Variants in ITGBL1 observed in about 807,000 individuals in gnomAD.
ITGBL1 encodes the protein integrin subunit beta like 1.
ITGBL1 carries 51 observed loss-of-function variants against 68.5 expected under a neutral mutation model. That is an observed-to-expected ratio of 0.74 (90% CI 0.59 to 0.94). The LOEUF is 0.94. ITGBL1 is among the 40% of genes least tolerant of loss of function. The probability of loss-of-function intolerance (pLI) is 0.00; values close to 1 mark genes in which losing one functional copy is unlikely to be tolerated. For missense variants in ITGBL1, 649 were observed against 647.4 expected, an observed-to-expected ratio of 1.00 and a Z score of -0.03; for synonymous variants, 209 against 227.3, an observed-to-expected ratio of 0.92 and a Z score of 0.72.
intron 7 of ITGBL1, among the ~76,000 whole-genome samples, chr13:101,685,862 A>G (rs2033742683): frequency 6.6e-6 from 1 of 151,906 alleles, no homozygotes; most frequent in Non-Finnish European, 1.5e-5. Context: ...GCCTAAGAAG[A>G]ATTCGTAATC....
intron 8 of ITGBL1, among the ~76,000 whole-genome samples, chr13:101,699,820 G>C (rs771878813): frequency 6.6e-6 from 1 of 152,220 alleles, no homozygotes; most frequent in Non-Finnish European, 1.5e-5. Context: ...AGTCGTGTTG[G>C]TGAGACAAAA....
At chr13:101,573,797 A>G (rs1572325) in intron 3 of ITGBL1, among the ~76,000 whole-genome samples, 32,458 of 152,094 alleles carry the variant, frequency 0.21, 3,450 homozygotes, top group East Asian at 0.23. Context: ...TAGATCACAT[A>G]TAGATTTGCT....
chr13:101,553,067 GA>G (rs1330163615), intron 2 of ITGBL1, among the ~76,000 whole-genome samples: 1 of 152,114 alleles, frequency 6.6e-6, no homozygotes, highest in East Asian at 1.9e-4. Context: ...TTGTTTTTTA[GA>G]CAACAAACTT....
chr13:101,504,418 T>C (rs2048994636), intron 2 of ITGBL1, among the ~76,000 whole-genome samples: 1 of 152,162 alleles, frequency 6.6e-6, no homozygotes, highest in Non-Finnish European at 1.5e-5. Context: ...GAAGATTAAA[T>C]AAGATGATAA....
intron 2 of ITGBL1, among the ~76,000 whole-genome samples, chr13:101,530,268 G>A (rs920848592): frequency 7.0e-4 from 106 of 151,738 alleles, no homozygotes; most frequent in Non-Finnish European, 2.2e-4. Context: ...GAGAGAGAGC[G>A]CGAGGGGAGA....
rs1355996625 is a variant in ITGBL1 at position 101,640,625 on chromosome 13, C to A, written c.1015+42326C>A. On this transcript the variant is annotated intron_variant, in intron 7 of 10. Transcript: ENST00000376180. ...AATTTGCATTTATTTTATTTTAAAA[C>A]CTTCAACTTCCATTTTGGATTCAGG... 3.9e-5 allele frequency among the ~76,000 whole-genome samples: 6 copies of A among 152,038 alleles called. No individual in the cohort carries two copies. In the South Asian group the frequency reaches 6.2e-4, roughly 16 times the overall value.
intron 5 of ITGBL1, among the ~76,000 whole-genome samples, chr13:101,582,919 G>T (rs1425965245): frequency 6.6e-6 from 1 of 151,912 alleles, no homozygotes; most frequent in African/African-American, 2.4e-5. Context: ...AGCTTCTTGG[G>T]GGAAAGGATT....
chr13:101,709,371 CAAAAAAAAAAAAA>C (rs747662212), intron 9 of ITGBL1, among the ~76,000 whole-genome samples: 1 of 61,198 alleles, frequency 1.6e-5, no homozygotes, highest in African/African-American at 9.8e-5. Flanking sequence ...GACTCCGTCT[CAAAAAAAAAAAAA>C]AAAAAAAAAA....
intron 7 of ITGBL1, among the ~76,000 whole-genome samples, chr13:101,670,758 T>C (rs1292422479): frequency 6.6e-6 from 1 of 152,204 alleles, no homozygotes; most frequent in East Asian, 1.9e-4. Flanking sequence ...AAAGAGTTAT[T>C]AAACGAATTA....
intron 2 of ITGBL1, among the ~76,000 whole-genome samples, chr13:101,536,053 CT>C (rs67314696): frequency 0.8 from 121,447 of 150,998 alleles, 48,920 homozygotes; most frequent in African/African-American, 0.88. Flanking sequence ...CCTTTTCTAT[CT>C]TTTTTTTTTA....
At chr13:101,574,951 C>T (rs1024014215) in intron 3 of ITGBL1, among the ~76,000 whole-genome samples, 1 of 152,202 alleles carries the variant, frequency 6.6e-6, no homozygotes, top group East Asian at 1.9e-4. Context: ...TTTATTTATG[C>T]ATTTGATAAT....
At chr13:101,541,403 C>T (rs573800625) in intron 2 of ITGBL1, among the ~76,000 whole-genome samples, 45 of 151,982 alleles carry the variant, frequency 3.0e-4, no homozygotes, top group African/African-American at 1.1e-3. Flanking sequence ...GGGATGAAGC[C>T]CACTTGATCA....
intron 7 of ITGBL1, among the ~76,000 whole-genome samples, chr13:101,680,819 T>C (rs1566788506): frequency 6.6e-6 from 1 of 152,198 alleles, no homozygotes; most frequent in Non-Finnish European, 1.5e-5. Flanking sequence ...TCACATTTAG[T>C]TGTGTATGCA....
chr13:101,605,776 G>A (rs1440105776), intron 7 of ITGBL1, among the ~76,000 whole-genome samples: 2 of 41,394 alleles, frequency 4.8e-5, no homozygotes, highest in Admixed American at 3.6e-4. Flanking sequence ...ACGTGTGTAG[G>A]CATATGTATG....
At chr13:101,715,537 T>TAATCAG in intron 10 of ITGBL1, 26 bp from the exon 11 acceptor site, 1 of 1,498,110 alleles carries the variant, frequency 6.7e-7, no homozygotes, top group East Asian at 2.3e-5. Context: ...ATCATAATCA[T>TAATCAG]GATACCTATA....
At chr13:101,605,636 GTA>G (rs1412347884) in intron 7 of ITGBL1, among the ~76,000 whole-genome samples, 1 of 141,864 alleles carries the variant, frequency 7.0e-6, no homozygotes, top group Non-Finnish European at 1.6e-5. Context: ...ATGTAGACAT[GTA>G]TGTGTGTATG....
chr13:101,710,504 G>T (rs369577449), intron 9 of ITGBL1, among the ~76,000 whole-genome samples: 11 of 152,212 alleles, frequency 7.2e-5, no homozygotes, highest in East Asian at 1.9e-4. Flanking sequence ...TAGACTAAGG[G>T]ACTTTAACAT....
intron 2 of ITGBL1, among the ~76,000 whole-genome samples, chr13:101,512,008 A>T (rs1034090215): frequency 1.3e-5 from 2 of 152,176 alleles, no homozygotes; most frequent in African/African-American, 2.4e-5. Context: ...CAGTCTGCAG[A>T]TTAATTTGAA....
chr13:101,715,087 C>T (rs1304202780), intron 10 of ITGBL1: 1 of 166,798 alleles, frequency 6.0e-6, no homozygotes, highest in Non-Finnish European at 1.3e-5. Context: ...GAAACAGAGA[C>T]ATGTATACTT....
Sources: allele counts gnomAD v4.1 joint callset (sites outside exome capture counted in the v4.1 genomes callset), GRCh38; gene constraint gnomAD v4.1.1; transcripts MANE v1.5; gene names NCBI Gene and HGNC (gene_info 2026-07-23, HGNC 2026-07-21).